EPC2: variants seen among roughly 807,000 people sequenced by gnomAD.
EPC2 encodes enhancer of polycomb 2.
A neutral mutation model predicts 92.1 loss-of-function variants in EPC2; 14 were observed. The observed-to-expected ratio is 0.15, with a 90% confidence interval of 0.10 to 0.24. The LOEUF is 0.24. Among genes scored for constraint, EPC2 ranks in the 10% least tolerant of loss-of-function variants. The probability of loss-of-function intolerance (pLI) is 1.00; values close to 1 mark genes in which losing one functional copy is unlikely to be tolerated. For missense variants in EPC2, 755 were observed against 971.5 expected, an observed-to-expected ratio of 0.78 and a Z score of 2.96; for synonymous variants, 340 against 334.7, an observed-to-expected ratio of 1.02 and a Z score of -0.17.
intron 1 of EPC2, among the ~76,000 whole-genome samples, chr2:148,680,023 T>G (rs780854897): frequency 1.3e-5 from 2 of 152,098 alleles, no homozygotes; most frequent in African/African-American, 4.8e-5. Flanking sequence ...GTGTTCCAAC[T>G]TGGGATTCTG....
rs543672066 is a variant in EPC2, at chr2:148,781,848, G to C, written c.1857+68G>C. The C allele has an allele frequency of 2.4e-4, 380 of 1,576,084 alleles. 2 individuals carry two copies. The South Asian group carries it at 3.3e-3, about 14-fold the overall frequency. On this transcript the variant is annotated intron_variant, in intron 11 of 13. Coordinates refer to ENST00000258484, the MANE Select transcript of EPC2 (RefSeq NM_015630.4). ...CATTATGTAGTTTTATTCCATTTTAGTCAAGTCACAGAAGATAATCTTGGT... is the reference window on the plus strand; with the variant it reads ...CATTATGTAGTTTTATTCCATTTTACTCAAGTCACAGAAGATAATCTTGGT...
At chr2:148,707,337 G>C (rs1682023187) in intron 2 of EPC2, among the ~76,000 whole-genome samples, 1 of 152,158 alleles carries the variant, frequency 6.6e-6, no homozygotes, top group Non-Finnish European at 1.5e-5. Flanking sequence ...GGAGCACCCA[G>C]GTTCATAAAG....
intron 1 of EPC2, among the ~76,000 whole-genome samples, chr2:148,681,832 T>C (rs1681403342): frequency 6.6e-6 from 1 of 152,156 alleles, no homozygotes; most frequent in African/African-American, 2.4e-5. Flanking sequence ...TAACTCGTCA[T>C]TTACATTAGG....
At chr2:148,646,407 G>A (rs1279152054) in intron 1 of EPC2, among the ~76,000 whole-genome samples, 3 of 152,096 alleles carry the variant, frequency 2.0e-5, no homozygotes, top group Non-Finnish European at 2.9e-5. Flanking sequence ...ATTTTCAGTA[G>A]AAAATGCATA....
chr2:148,761,975 A>G (rs761521632), intron 5 of EPC2, 45 bp downstream of exon 5: 21 of 1,504,320 alleles, frequency 1.4e-5, no homozygotes, highest in East Asian at 2.5e-5. Flanking sequence ...ACTTTACCAA[A>G]TGATGGGCAA....
chr2:148,770,680 T>G, intron 8 of EPC2, 112 bp from the exon 9 acceptor site: 1 of 1,182,556 alleles, frequency 8.5e-7, no homozygotes, highest in South Asian at 1.9e-5. Context: ...ATATCTAGAT[T>G]TTAATTGTTC....
At chr2:148,668,281 T>C (rs551467147) in intron 1 of EPC2, among the ~76,000 whole-genome samples, 2 of 152,346 alleles carry the variant, frequency 1.3e-5, no homozygotes, top group Admixed American at 1.3e-4. Flanking sequence ...CCTGCCTACC[T>C]GGAATAACCC....
At chr2:148,737,907 G>A (rs1682798063) in intron 2 of EPC2, among the ~76,000 whole-genome samples, 1 of 152,178 alleles carries the variant, frequency 6.6e-6, no homozygotes, top group East Asian at 1.9e-4. Context: ...GCTGCATGCG[G>A]CCCGTGGGCC....
At chr2:148,783,815 A>G in intron 12 of EPC2, 59 bp downstream of exon 12, 1 of 1,510,014 alleles carries the variant, frequency 6.6e-7, no homozygotes, top group African/African-American at 1.4e-5. Flanking sequence ...AGTGATTGGG[A>G]GTTTGTTTTT....
intron 3 of EPC2, among the ~76,000 whole-genome samples, chr2:148,745,001 C>CG (rs1553448404): frequency 1.5e-5 from 2 of 130,084 alleles, no homozygotes; most frequent in Non-Finnish European, 1.8e-5. Context: ...CCCCCCCCCC[C>CG]GCACCATTTT....
intron 6 of EPC2, among the ~76,000 whole-genome samples, chr2:148,763,640 A>C (rs1683347305): frequency 6.6e-6 from 1 of 150,520 alleles, no homozygotes; most frequent in Non-Finnish European, 1.5e-5. Context: ...GAGCAGGAAG[A>C]CTCCTTCATT....
chr2:148,708,386 C>T (rs948903666), intron 2 of EPC2, among the ~76,000 whole-genome samples: 2 of 152,100 alleles, frequency 1.3e-5, no homozygotes, highest in African/African-American at 4.8e-5. Flanking sequence ...CATGACCAGA[C>T]GGATTCACGG....
At chr2:148,653,303 G>A (rs2105350529) in intron 1 of EPC2, among the ~76,000 whole-genome samples, 1 of 152,346 alleles carries the variant, frequency 6.6e-6, no homozygotes, top group East Asian at 1.9e-4. Context: ...AGTTGAAGTA[G>A]AAAAACAGTA....
At chr2:148,701,119 A>T (rs1041574824) in intron 2 of EPC2, among the ~76,000 whole-genome samples, 17 of 152,208 alleles carry the variant, frequency 1.1e-4, no homozygotes, top group Admixed American at 1.1e-3. Flanking sequence ...TTAACTTTGT[A>T]TGCTACAGAC....
At position 148,786,505 on chromosome 2, in the gene EPC2, A is replaced by G. The variant is rs779265526; in HGVS notation, c.*128A>G. 1.3e-5 allele frequency: 8 copies of G among 635,146 alleles called. No individual in the cohort carries two copies. The highest frequency in any genetic ancestry group is 1.9e-5 in the Non-Finnish European group (7 of 371,480). 39.3% of individuals were successfully genotyped at this position (635,146 alleles called of 1,614,324 possible). On this transcript the variant is annotated 3_prime_UTR_variant, in exon 14 of 14. Coordinates refer to ENST00000258484, the MANE Select transcript of EPC2 (RefSeq NM_015630.4). ...ACCTAAATGGACTATAGTATATTGG[A>G]TGTTAAATCCATATATGATGTATAT...
chr2:148,682,875 A>G (rs917192431), intron 1 of EPC2, among the ~76,000 whole-genome samples: 4 of 151,810 alleles, frequency 2.6e-5, no homozygotes, highest in African/African-American at 9.7e-5. Context: ...TCTCTCTGCT[A>G]CTCCCATTCT....
At chr2:148,673,213 A>G (rs568014022) in intron 1 of EPC2, among the ~76,000 whole-genome samples, 14 of 152,216 alleles carry the variant, frequency 9.2e-5, no homozygotes, top group Admixed American at 9.2e-4. Context: ...AGCTTCCTGA[A>G]TTTGGATGTC....
chr2:148,692,237 T>C (rs144074934), intron 2 of EPC2: 62 of 172,666 alleles, frequency 3.6e-4, no homozygotes, highest in African/African-American at 1.4e-3. Flanking sequence ...CCTTGACTTT[T>C]CTCACTCTAC....
At chr2:148,681,281 G>A (rs138461189) in intron 1 of EPC2, among the ~76,000 whole-genome samples, 1 of 152,244 alleles carries the variant, frequency 6.6e-6, no homozygotes, top group Non-Finnish European at 1.5e-5. Flanking sequence ...ACTTAGGATG[G>A]TCAGATTTCA....
Sources: gnomAD v4.1 joint callset for allele counts (sites outside exome capture counted in the v4.1 genomes callset) on GRCh38, gnomAD v4.1.1 for gene constraint, MANE v1.5 for transcripts, NCBI Gene and HGNC (gene_info 2026-07-23, HGNC 2026-07-21) for gene names.